The following RBMS3 variants were observed in gnomAD, a reference collection of about 807,000 sequenced individuals.
RBMS3 encodes RNA binding motif single stranded interacting protein 3, also known as RNA-binding motif, single-stranded-interacting protein 3.
Under a neutral mutation model 66.8 loss-of-function variants are expected in RBMS3, and 27 were observed. The observed-to-expected ratio is 0.40, with a 90% CI of 0.30 to 0.56. The LOEUF (loss-of-function observed/expected upper bound fraction) is 0.56, where lower values mean the gene tolerates loss of function less well. Among genes scored for constraint, RBMS3 ranks in the 20% least tolerant of loss-of-function variants. The pLI is 0.40. For synonymous variants in RBMS3, 188 were observed against 183.0 expected (o/e 1.03, Z -0.22); for missense variants, 513 against 549.5 (o/e 0.93, Z 0.66).
intron 6 of RBMS3, among the ~76,000 whole-genome samples, chr3:29,844,529 A>C (rs1461632854): frequency 2.6e-5 from 4 of 152,232 alleles, no homozygotes; most frequent in Admixed American, 6.5e-5. Flanking sequence ...AACTTTCTCC[A>C]GGAAGTTATG....
intron 4 of RBMS3, among the ~76,000 whole-genome samples, chr3:29,685,574 TC>T (rs2051695921): frequency 2.0e-5 from 3 of 152,058 alleles, no homozygotes; most frequent in African/African-American, 7.2e-5. Context: ...GTTTCCTCCT[TC>T]CCTCAGGTGT....
Position 29,488,353 on chromosome 3 carries a change from T to C in RBMS3, c.249-88T>C, listed in dbSNP as rs2043399511. On this transcript the variant is annotated intron_variant, in intron 2 of 14. Transcript: ENST00000383767. ...GTTTTCTTGGTTTATGCATGCTCAGTTGTGTGTGCCCCGATGTTCATTAGA... is the reference window on the plus strand; with the variant it reads ...GTTTTCTTGGTTTATGCATGCTCAGCTGTGTGTGCCCCGATGTTCATTAGA... 2.7e-6 allele frequency: 3 copies of C among 1,115,932 alleles called. No homozygotes were observed. The East Asian group carries it at 7.3e-5, about 27-fold the overall frequency. The allele number at this position is 1,115,932 out of a possible 1,614,324, so 69.1% of individuals were successfully genotyped here.
chr3:29,925,594 C>A (rs562905830), intron 10 of RBMS3, among the ~76,000 whole-genome samples: 70 of 152,184 alleles, frequency 4.6e-4, no homozygotes, highest in African/African-American at 1.5e-3. Flanking sequence ...CAAGAACAAA[C>A]AAAGGACTTA....
In RBMS3 at chr3:29,532,236, G is replaced by GTA. The variant is rs1559444666; in HGVS notation, c.307+43737_307+43738insTA. Among the ~76,000 whole-genome samples the GTA allele has an allele frequency of 6.5e-4, 55 of 84,890 alleles. 1 individual carries two copies. The highest frequency in any genetic ancestry group is 2.4e-3 in the African/African-American group (55 of 22,564). The allele number at this position is 84,890 out of a possible 152,430, so 55.7% of individuals were successfully genotyped here. A position where few individuals can be genotyped will look rare whatever the true frequency, so the allele number is the denominator to read the frequency against. Reference sequence around the variant, plus strand: ...GATCTTTCAGTCTTATTTTAATTTCGCATATATATGTATATATATATATAT... The same window carrying GTA: ...GATCTTTCAGTCTTATTTTAATTTCGTACATATATATGTATATATATATATAT... On this transcript the variant is annotated intron_variant, in intron 3 of 14. Coordinates refer to ENST00000383767, the MANE Select transcript of RBMS3 (RefSeq NM_001003793.3).
intron 3 of RBMS3, among the ~76,000 whole-genome samples, chr3:29,551,541 TAATC>T (rs2046179449): frequency 6.6e-6 from 1 of 152,128 alleles, no homozygotes. Context: ...ATAAAGAAAA[TAATC>T]AGTCTCGATT....
intron 6 of RBMS3, among the ~76,000 whole-genome samples, chr3:29,779,796 A>G (rs1420780716): frequency 6.7e-6 from 1 of 148,842 alleles, no homozygotes. Flanking sequence ...AAAAGATTGT[A>G]TACTTTAGAC....
chr3:29,762,844 C>A, intron 5 of RBMS3, 66 bp from the exon 6 acceptor site: 1 of 1,130,492 alleles, frequency 8.8e-7, no homozygotes. Context: ...TCTTGTTTTC[C>A]TTTACTTCTT....
At chr3:29,909,379 A>C (rs931119890) in intron 10 of RBMS3, among the ~76,000 whole-genome samples, 1 of 152,140 alleles carries the variant, frequency 6.6e-6, no homozygotes, top group Non-Finnish European at 1.5e-5. Context: ...ATCAATTATA[A>C]ATAGAAAAAA....
intron 12 of RBMS3, among the ~76,000 whole-genome samples, chr3:29,962,335 G>A (rs931049902): frequency 6.6e-6 from 1 of 151,630 alleles, no homozygotes; most frequent in Non-Finnish European, 1.5e-5. Flanking sequence ...ATCCGCTATG[G>A]AATAGTTGGT....
chr3:29,814,670 G>T (rs1040074577), intron 6 of RBMS3, among the ~76,000 whole-genome samples: 4 of 152,138 alleles, frequency 2.6e-5, no homozygotes, highest in African/African-American at 9.7e-5. Flanking sequence ...CCTGTTATTG[G>T]TCTATTCAGA....
chr3:30,001,967 C>T (rs1301162555), intron 14 of RBMS3, among the ~76,000 whole-genome samples: 3 of 151,896 alleles, frequency 2.0e-5, no homozygotes, highest in Non-Finnish European at 1.5e-5. Flanking sequence ...CAGAGGAGAT[C>T]GGCAGGAGTG....
intron 1 of RBMS3, among the ~76,000 whole-genome samples, chr3:29,371,567 G>A (rs1228487957): frequency 6.6e-6 from 1 of 152,148 alleles, no homozygotes; most frequent in African/African-American, 2.4e-5. Flanking sequence ...TAGTGATAGT[G>A]TTTGTTGTTT....
chr3:29,506,371 T>A (rs2044180674), intron 3 of RBMS3, among the ~76,000 whole-genome samples: 1 of 151,974 alleles, frequency 6.6e-6, no homozygotes, highest in Non-Finnish European at 1.5e-5. Context: ...TTAAGGTGAT[T>A]TATCATATTT....
chr3:29,523,060 A>G (rs537856165), intron 3 of RBMS3, among the ~76,000 whole-genome samples: 1 of 152,380 alleles, frequency 6.6e-6, no homozygotes, highest in South Asian at 2.1e-4. Flanking sequence ...AGTAACAAAA[A>G]CTATTATCTC....
chr3:29,383,595 A>G (rs888822346), intron 1 of RBMS3, among the ~76,000 whole-genome samples: 2 of 152,356 alleles, frequency 1.3e-5, no homozygotes, highest in East Asian at 1.9e-4. Flanking sequence ...GCCAAGGAAT[A>G]GGGATATATT....
intron 3 of RBMS3, among the ~76,000 whole-genome samples, chr3:29,514,270 T>C (rs1252449099): frequency 6.6e-6 from 1 of 152,122 alleles, no homozygotes; most frequent in South Asian, 2.1e-4. Context: ...TATTCGTCTC[T>C]GGGGAATTTA....
intron 4 of RBMS3, among the ~76,000 whole-genome samples, chr3:29,594,736 C>T (rs752233855): frequency 6.6e-6 from 1 of 152,014 alleles, no homozygotes; most frequent in Non-Finnish European, 1.5e-5. Context: ...TTTTCCTGAT[C>T]CAAATGCTGA....
At chr3:29,762,802 T>A in intron 5 of RBMS3, 108 bp from the exon 6 acceptor site, 1 of 767,592 alleles carries the variant, frequency 1.3e-6, no homozygotes, top group East Asian at 2.7e-5. Flanking sequence ...GCAATTAGGG[T>A]ACAATTCTCA....
intron 2 of RBMS3, among the ~76,000 whole-genome samples, chr3:29,473,620 C>T (rs553003931): frequency 4.6e-5 from 7 of 152,354 alleles, no homozygotes; most frequent in South Asian, 4.1e-4. Flanking sequence ...TCAGGCATGG[C>T]GGGCTGCAGG....
Sources: allele counts gnomAD v4.1 joint callset (sites outside exome capture counted in the v4.1 genomes callset), GRCh38; gene constraint gnomAD v4.1.1; transcripts MANE v1.5; gene names NCBI Gene and HGNC (gene_info 2026-07-23, HGNC 2026-07-21).